Variants in CIITA observed in about 807,000 individuals in gnomAD.
The protein encoded by CIITA is class II major histocompatibility complex transactivator.
Under a neutral mutation model 115.1 loss-of-function variants are expected in CIITA, and 72 were observed. The ratio of observed to expected loss-of-function variants is 0.63; its 90% confidence interval spans 0.52 to 0.76. CIITA has a LOEUF of 0.76. CIITA is among the 30% of genes least tolerant of loss of function. The pLI, the probability that CIITA is intolerant of heterozygous loss-of-function variation, is 0.00. For missense variants in CIITA, 1,617 were observed against 1,463.8 expected, an observed-to-expected ratio of 1.10 and a Z score of -1.71; for synonymous variants, 763 against 635.6, an observed-to-expected ratio of 1.20 and a Z score of -3.02.
chr16:10,891,308 C>A (rs781399109), intron 1 of CIITA, among the ~76,000 whole-genome samples: 2 of 152,012 alleles, frequency 1.3e-5, no homozygotes, highest in Non-Finnish European at 2.9e-5. Context: ...GGGCAGCCAC[C>A]GACAGGCTAT....
chr16:10,923,119 C>T lies in CIITA; in HGVS notation c.3318-109C>T. On this transcript the variant is annotated intron_variant, in intron 18 of 19. Coordinates refer to ENST00000324288, the MANE Select transcript of CIITA (RefSeq NM_000246.4). The surrounding 1 kb of genome is among the most constrained non-coding windows in gnomAD (Gnocchi z 5.2). ...TCGGTATCTTGCCAGGGGAAAAGTCCCCAACGTTCTAGGCTGGGTGGAAGG... is the reference window on the plus strand; with the variant it reads ...TCGGTATCTTGCCAGGGGAAAAGTCTCCAACGTTCTAGGCTGGGTGGAAGG... 1 of 951,594 alleles carries T rather than the reference C, an allele frequency of 1.1e-6. No individual in the cohort carries two copies. The highest frequency in any genetic ancestry group is 1.7e-6 in the Non-Finnish European group (1 of 589,354). The allele number at this position is 951,594 out of a possible 1,614,324, so 58.9% of individuals were successfully genotyped here.
intron 13 of CIITA, among the ~76,000 whole-genome samples, chr16:10,911,378 CTT>C (rs538316831): frequency 1.0e-3 from 79 of 79,242 alleles, no homozygotes; most frequent in South Asian, 6.9e-3. Context: ...TTCTTTCTTT[CTT>C]TCTCTCTCTC....
chr16:10,906,557 C>T lies in CIITA; in HGVS notation c.1065C>T (p.Gly355=). 1 of 1,613,090 alleles carries T rather than the reference C, an allele frequency of 6.2e-7. No individual in the cohort carries two copies. Among genetic ancestry groups the T allele is most frequent in the South Asian group, 1.1e-5 (1 of 91,044 alleles). ...ACACGTATGGTGCCGAGCCCGCAGG[C>T]CCGGATGGCATCCTAGTGGAGGTGG... The part of the protein sequence containing the change: ...LQDTYGAEPA[G]PDGILVEVDL... The change falls in exon 11 of 20, where the codon GGC becomes GGT. Residue 355 remains glycine, a synonymous_variant. Transcript: ENST00000324288.
rs757810929 is a variant in CIITA at position 10,906,980 on chromosome 16, C to T, written c.1488C>T (p.Leu496=). The stretch of plus-strand genomic sequence containing the variant: ...TGAAGAGACCTGACCGCGTTCTGCT[C>T]ATCCTAGACGGCTTCGAGGAGCTGG... ...HILKRPDRVL[L]ILDGFEELEA... Residue 496 remains leucine, a synonymous_variant, in exon 11 of 20, where the codon CTC becomes CTT. Transcript: ENST00000324288. The T allele has an allele frequency of 1.6e-5, 26 of 1,612,104 alleles. No individual in the cohort carries two copies. The South Asian group carries it at 2.7e-4, about 17-fold the overall frequency.
intron 1 of CIITA, chr16:10,888,284 A>G (rs2037164483): frequency 1.3e-5 from 2 of 152,218 alleles, no homozygotes; most frequent in South Asian, 4.1e-4. Flanking sequence ...AAGGAAACTG[A>G]GGCTCCAAGT....
At chr16:10,874,301 G>T (rs575294416), upstream of CIITA, among the ~76,000 whole-genome samples, 2 of 152,266 alleles carry the variant, frequency 1.3e-5, no homozygotes, top group Non-Finnish European at 2.9e-5. Context: ...GTCTTTAAGA[G>T]GCAGGAACAA....
At chr16:10,898,366 A>G (rs73501310) in intron 3 of CIITA, among the ~76,000 whole-genome samples, 2,060 of 152,114 alleles carry the variant, frequency 0.014, 49 homozygotes, top group African/African-American at 0.046. Flanking sequence ...CACAGCTAGT[A>G]GGGCTAGTGG....
chr16:10,866,342 A>G (rs765924809), intron 1 of CIITA: 1 of 568,810 alleles, frequency 1.8e-6, no homozygotes, highest in Admixed American at 1.9e-5. Context: ...CTCTCCAGCC[A>G]TCAGCCCAGC....
chr16:10,905,971 G>C (rs1567413875), intron 10 of CIITA, among the ~76,000 whole-genome samples: 1 of 151,962 alleles, frequency 6.6e-6, no homozygotes, highest in East Asian at 1.9e-4. Flanking sequence ...ACGATTGCTT[G>C]AGCCCAGGAG....
rs2040470292 is a variant in CIITA at position 10,924,939 on chromosome 16, C to T, written c.*1084C>T. The stretch of plus-strand genomic sequence containing the variant: ...ACTGCTCTGGTTATCTAATATGTAA[C>T]AAGCCACCCCAAATCATAGTGGCTT... On this transcript the variant is annotated 3_prime_UTR_variant, in exon 20 of 20. Coordinates refer to ENST00000324288, the MANE Select transcript of CIITA (RefSeq NM_000246.4). 1 of 152,260 alleles carries T rather than the reference C, an allele frequency of 6.6e-6. No homozygotes were observed. Among genetic ancestry groups the T allele is most frequent in the Non-Finnish European group, 1.5e-5 (1 of 68,050 alleles). 9.4% of individuals were successfully genotyped at this position (152,260 alleles called of 1,614,324 possible).
chr16:10,878,693 C>T lies in CIITA; in HGVS notation c.52+1311C>T, dbSNP rs868422406. ...CCTGCAACTCAGGACTTGCAGATCA[C>T]TTGCCCAAGTGGCTCCCTAGCTCCT... is the stretch of plus-strand genomic sequence containing the variant. On this transcript the variant is annotated intron_variant, in intron 1 of 19. Transcript: ENST00000324288. 4.6e-5 allele frequency among the ~76,000 whole-genome samples: 7 copies of T among 152,368 alleles called. No homozygotes were observed. The South Asian group carries it at 1.4e-3, about 32-fold the overall frequency.
intron 10 of CIITA, 67 bp downstream of exon 10, chr16:10,904,879 C>T: frequency 1.3e-6 from 2 of 1,516,132 alleles, no homozygotes; most frequent in South Asian, 1.1e-5. Flanking sequence ...CTTCACATTG[C>T]TCATTCACTT....
Position 10,907,416 on chromosome 16 carries a change from G to T in CIITA, c.1924G>T (p.Val642Phe), listed in dbSNP as rs767469776. 1.2e-6 allele frequency: 2 copies of T among 1,613,132 alleles called. No individual in the cohort carries two copies. The highest frequency in any genetic ancestry group is 2.2e-5 in the East Asian group (1 of 44,844). ...KLPSTLTGLY[V>F]GLLGRAALDS... ...GCCCTCCACGCTCACGGGACTCTAT[G>T]TCGGCCTGCTGGGCCGTGCAGCCCT... is the stretch of plus-strand genomic sequence containing the variant. The change falls in exon 11 of 20, where the codon GTC becomes TTC. Residue 642 changes from valine (V) to phenylalanine (F), a missense_variant. Transcript: ENST00000324288. This position sits in a 1 kb window ranked among gnomAD's most constrained non-coding sequence, Gnocchi z 5.0.
At chr16:10,915,147 C>A in intron 13 of CIITA, 1 of 423,636 alleles carries the variant, frequency 2.4e-6, no homozygotes, top group Non-Finnish European at 4.7e-6. Flanking sequence ...ACCTCCTGGG[C>A]TCAAGCGATG....
At chr16:10,892,388 C>T (rs796250050) in intron 1 of CIITA, among the ~76,000 whole-genome samples, 4 of 152,206 alleles carry the variant, frequency 2.6e-5, no homozygotes, top group African/African-American at 9.6e-5. Context: ...TGTGTTTTCT[C>T]ATGAGCTTAC....
intron 16 of CIITA, among the ~76,000 whole-genome samples, chr16:10,919,849 A>G (rs977597851): frequency 6.6e-6 from 1 of 152,244 alleles, no homozygotes; most frequent in Non-Finnish European, 1.5e-5. Flanking sequence ...TTCTTTGCGT[A>G]GTAGGAATTA....
chr16:10,880,007 C>A (rs963495240), intron 1 of CIITA, among the ~76,000 whole-genome samples: 1 of 152,178 alleles, frequency 6.6e-6, no homozygotes, highest in Non-Finnish European at 1.5e-5. Context: ...GCTCCCCACT[C>A]CAGAGAAAAA....
chr16:10,880,005 C>G (rs2036257178), intron 1 of CIITA, among the ~76,000 whole-genome samples: 1 of 152,220 alleles, frequency 6.6e-6, no homozygotes, highest in Non-Finnish European at 1.5e-5. Context: ...CTGCTCCCCA[C>G]TCCAGAGAAA....
At position 10,929,284 on chromosome 16, in the gene CIITA, T is replaced by C; in HGVS notation, c.*5429T>C. 1.0e-6 allele frequency: 1 copy of C among 985,842 alleles called. No homozygotes were observed. The allele number at this position is 985,842 out of a possible 1,614,324, so 61.1% of individuals were successfully genotyped here. On this transcript the variant is annotated 3_prime_UTR_variant, in exon 20 of 20. Transcript: ENST00000324288. The surrounding 1 kb of genome is among the most constrained non-coding windows in gnomAD (Gnocchi z 4.3). ...TGAAGTGTCCTCTCCGAAGGTGAAGTGGGGGAAGCAGGTGCGCTCCGGGAT... is the reference window on the plus strand; with the variant it reads ...TGAAGTGTCCTCTCCGAAGGTGAAGCGGGGGAAGCAGGTGCGCTCCGGGAT...
Sources: gnomAD v4.1 joint callset for allele counts (sites outside exome capture counted in the v4.1 genomes callset) on GRCh38, gnomAD v4.1.1 for gene constraint, Gnocchi (gnomAD v3.1) non-coding constraint, MANE v1.5 for transcripts, NCBI Gene and HGNC (gene_info 2026-07-23, HGNC 2026-07-21) for gene names.